CDC42BPA: variants seen among roughly 807,000 people sequenced by gnomAD.
The protein encoded by CDC42BPA is CDC42 binding protein kinase alpha.
In CDC42BPA, 80 loss-of-function variants were observed where a neutral mutation model predicts 223.5. The observed-to-expected ratio is 0.36, with a 90% confidence interval of 0.30 to 0.43. The LOEUF (loss-of-function observed/expected upper bound fraction) is 0.43. Among genes scored for constraint, CDC42BPA ranks in the 20% least tolerant of loss-of-function variants. The probability of loss-of-function intolerance (pLI) is 1.00; values close to 1 mark genes in which losing one functional copy is unlikely to be tolerated. For missense variants in CDC42BPA, 1,743 were observed against 2,099.9 expected, an observed-to-expected ratio of 0.83 and a Z score of 3.32; for synonymous variants, 694 against 718.6, an observed-to-expected ratio of 0.97 and a Z score of 0.55.
chr1:227,129,702 C>CGCATATATATAT (rs1414504695), intron 10 of CDC42BPA, among the ~76,000 whole-genome samples: 1 of 70,918 alleles, frequency 1.4e-5, no homozygotes, highest in African/African-American at 5.6e-5. Flanking sequence ...AAATCCACTG[C>CGCATATATATAT]ATATATATAT....
chr1:226,997,383 A>C (rs537122201), intron 35 of CDC42BPA, among the ~76,000 whole-genome samples: 6 of 152,048 alleles, frequency 3.9e-5, no homozygotes, highest in South Asian at 2.1e-4. Context: ...TATTTTGTTA[A>C]TCTTTTCAAA....
chr1:227,092,000 A>T lies in CDC42BPA; in HGVS notation c.2250-9T>A. On this transcript the variant is annotated splice_polypyrimidine_tract_variant and intron_variant, in intron 15 of 36. Coordinates refer to ENST00000366766, the MANE Select transcript of CDC42BPA (RefSeq NM_001394014.1). ...CCTCCCTTTCACTTTGACTAACACAATTCAAAACACAAAAGGAAAAAGGGG... is the reference window on the plus strand; with the variant it reads ...CCTCCCTTTCACTTTGACTAACACATTTCAAAACACAAAAGGAAAAAGGGG... The T allele has an allele frequency of 4.1e-6, 6 of 1,462,098 alleles. No individual in the cohort carries two copies. Among genetic ancestry groups the T allele is most frequent in the Non-Finnish European group, 3.8e-6 (4 of 1,063,986 alleles). The allele number at this position is 1,462,098 out of a possible 1,614,324, so 90.6% of individuals were successfully genotyped here.
intron 10 of CDC42BPA, among the ~76,000 whole-genome samples, chr1:227,129,639 C>T (rs1396516900): frequency 2.7e-5 from 3 of 111,110 alleles, no homozygotes; most frequent in Non-Finnish European, 5.2e-5. Context: ...TGTACTCCAT[C>T]CTGGGAGACA....
intron 2 of CDC42BPA, among the ~76,000 whole-genome samples, chr1:227,215,570 A>C (rs933732288): frequency 2.0e-5 from 3 of 152,322 alleles, no homozygotes; most frequent in East Asian, 3.9e-4. Context: ...GTCATCAGGG[A>C]TGCCATGCTG....
chr1:227,059,304 C>T, intron 21 of CDC42BPA: 4 of 1,317,060 alleles, frequency 3.0e-6, no homozygotes, highest in Non-Finnish European at 4.3e-6. Flanking sequence ...GTTCCGCAAT[C>T]ACAGGCAAAA....
intron 3 of CDC42BPA, among the ~76,000 whole-genome samples, chr1:227,204,401 A>C (rs969413355): frequency 4.6e-5 from 7 of 152,192 alleles, no homozygotes; most frequent in African/African-American, 1.7e-4. Flanking sequence ...CTATGAGTGC[A>C]AAGATAATAG....
chr1:227,302,530 T>C (rs1691819107), intron 1 of CDC42BPA, among the ~76,000 whole-genome samples: 1 of 152,218 alleles, frequency 6.6e-6, no homozygotes, highest in Admixed American at 6.5e-5. Context: ...TTTGGAACCT[T>C]TTGGGGTCTC....
chr1:227,235,475 T>G (rs1240009449), intron 2 of CDC42BPA: 1 of 152,188 alleles, frequency 6.6e-6, no homozygotes, highest in African/African-American at 2.4e-5. Context: ...AGAAGTCCTT[T>G]TATTCTTTTA....
intron 34 of CDC42BPA, among the ~76,000 whole-genome samples, chr1:227,006,948 C>CACA (rs1558265968): frequency 9.9e-6 from 1 of 101,334 alleles, no homozygotes. Flanking sequence ...GAGACTCCGT[C>CACA]TCAACAACAA....
rs182367075 is a variant in CDC42BPA, at chr1:227,301,658, G to A, written c.178+15347C>T. Among the ~76,000 whole-genome samples, 8 of 152,062 alleles carry A rather than the reference G, an allele frequency of 5.3e-5. No homozygotes were observed. The East Asian group carries it at 1.4e-3, about 26-fold the overall frequency. ...CAGGCATGAGCCACTGTGCCCAGCC[G>A]GATTTAGACTTTTTAATTCTGTAAA... is the stretch of plus-strand genomic sequence containing the variant. On this transcript the variant is annotated intron_variant, in intron 1 of 36. Transcript: ENST00000366766.
At chr1:227,268,926 C>T (rs1685529710) in intron 1 of CDC42BPA, among the ~76,000 whole-genome samples, 1 of 152,032 alleles carries the variant, frequency 6.6e-6, no homozygotes, top group African/African-American at 2.4e-5. Context: ...CTCAAGCAAT[C>T]CATCTACCTT....
In CDC42BPA at chr1:227,042,513, A is replaced by C. The variant is rs144212059; in HGVS notation, c.3094-2277T>G. On this transcript the variant is annotated intron_variant, in intron 23 of 36. Transcript: ENST00000366766. ...AAGATTAACGGGTTTATATTTCACT[A>C]ATCTCCACTAAGGATAGTATAACAT... Among the ~76,000 whole-genome samples the C allele has an allele frequency of 4.2e-3, 638 of 152,240 alleles. 20 individuals carry two copies. The highest frequency in any genetic ancestry group is 0.028 in the Admixed American group (432 of 15,296).
chr1:227,126,432 G>C (rs1689606888), intron 11 of CDC42BPA, among the ~76,000 whole-genome samples: 1 of 147,286 alleles, frequency 6.8e-6, no homozygotes, highest in Admixed American at 6.8e-5. Flanking sequence ...GGAGCCACCA[G>C]CTACGTTGAC....
intron 6 of CDC42BPA, among the ~76,000 whole-genome samples, chr1:227,157,074 T>G (rs1407925137): frequency 6.6e-6 from 1 of 152,246 alleles, no homozygotes; most frequent in African/African-American, 2.4e-5. Context: ...TGTCATATCC[T>G]TTACTTCTAC....
intron 2 of CDC42BPA, among the ~76,000 whole-genome samples, chr1:227,253,807 C>T (rs1289830101): frequency 6.6e-6 from 1 of 152,036 alleles, no homozygotes; most frequent in African/African-American, 2.4e-5. Flanking sequence ...TAGAAACACA[C>T]TCATATTTAC....
At chr1:227,032,458 A>C (rs1669457216) in intron 27 of CDC42BPA, among the ~76,000 whole-genome samples, 1 of 151,800 alleles carries the variant, frequency 6.6e-6, no homozygotes, top group South Asian at 2.1e-4. Context: ...TTTAACCTCT[A>C]TTGTCTTAAT....
chr1:227,199,288 T>C (rs536791858), intron 4 of CDC42BPA, among the ~76,000 whole-genome samples: 3 of 152,298 alleles, frequency 2.0e-5, no homozygotes, highest in African/African-American at 7.2e-5. Context: ...GAAAAACTCC[T>C]GAAGACCGTC....
chr1:227,043,493 T>C (rs1444359622), intron 23 of CDC42BPA, among the ~76,000 whole-genome samples: 1 of 152,074 alleles, frequency 6.6e-6, no homozygotes, highest in Non-Finnish European at 1.5e-5. Context: ...GAGATAATTA[T>C]AGATTCACTT....
intron 5 of CDC42BPA, among the ~76,000 whole-genome samples, chr1:227,169,482 G>T (rs1211670549): frequency 6.6e-6 from 1 of 151,776 alleles, no homozygotes; most frequent in Non-Finnish European, 1.5e-5. Context: ...CTTATCTTTT[G>T]TCTTTAGCTG....
Sources: allele counts gnomAD v4.1 joint callset (sites outside exome capture counted in the v4.1 genomes callset), GRCh38; gene constraint gnomAD v4.1.1; transcripts MANE v1.5; gene names NCBI Gene and HGNC (gene_info 2026-07-23, HGNC 2026-07-21).